Variants in DSCAM observed in about 807,000 individuals in gnomAD.
DSCAM encodes the protein DS cell adhesion molecule.
DSCAM carries 47 observed loss-of-function variants against 217.7 expected under a neutral mutation model. The ratio of observed to expected loss-of-function variants is 0.22; its 90% CI spans 0.17 to 0.28. DSCAM has a LOEUF of 0.28. Ranked by LOEUF, DSCAM falls within the 10% of genes least tolerant of loss-of-function variation. The probability of loss-of-function intolerance (pLI) is 1.00; values close to 1 mark genes in which losing one functional copy is unlikely to be tolerated. For missense variants in DSCAM, 2,080 were observed against 2,618.3 expected, an observed-to-expected ratio of 0.79 and a Z score of 4.49; for synonymous variants, 1,056 against 1,015.3, an observed-to-expected ratio of 1.04 and a Z score of -0.76.
chr21:40,474,697 G>A (rs145260183), intron 3 of DSCAM, among the ~76,000 whole-genome samples: 5 of 152,212 alleles, frequency 3.3e-5, no homozygotes, highest in African/African-American at 1.2e-4. Context: ...CATTAATCAG[G>A]GGCATCACAG....
At chr21:40,458,973 G>A (rs982657722) in intron 3 of DSCAM, among the ~76,000 whole-genome samples, 5 of 151,926 alleles carry the variant, frequency 3.3e-5, no homozygotes, top group Admixed American at 2.0e-4. Context: ...AATGTTAAAA[G>A]CAATGCTCAG....
chr21:40,547,435 A>G lies in DSCAM; in HGVS notation c.508+145375T>C, dbSNP rs140822834. On this transcript the variant is annotated intron_variant, in intron 3 of 32. Transcript: ENST00000400454. ...CCAAACACAGTCGTCTCCTTTTCCA[A>G]GTCCTGGGATTCAGCTGTCAGGCCT... Among the ~76,000 whole-genome samples the G allele has an allele frequency of 8.7e-4, 132 of 152,288 alleles. No individual in the cohort carries two copies. In the East Asian group the frequency reaches 0.024, roughly 28 times the overall value.
intron 3 of DSCAM, among the ~76,000 whole-genome samples, chr21:40,506,882 A>G (rs534311376): frequency 6.6e-6 from 1 of 152,224 alleles, no homozygotes; most frequent in African/African-American, 2.4e-5. Flanking sequence ...AAGAGGAAAA[A>G]AATATTTTGC....
intron 2 of DSCAM, among the ~76,000 whole-genome samples, chr21:40,694,289 G>A (rs560961308): frequency 4.6e-5 from 7 of 152,288 alleles, no homozygotes; most frequent in Non-Finnish European, 7.3e-5. Flanking sequence ...TACCCACAGA[G>A]ATAACTTATT....
intron 3 of DSCAM, among the ~76,000 whole-genome samples, chr21:40,596,432 T>C (rs2077022112): frequency 6.6e-6 from 1 of 152,210 alleles, no homozygotes; most frequent in African/African-American, 2.4e-5. Flanking sequence ...TCAATGGCCA[T>C]TTTTGTCAAA....
intron 4 of DSCAM, among the ~76,000 whole-genome samples, chr21:40,363,653 G>A (rs548456877): frequency 5.5e-4 from 83 of 152,158 alleles, no homozygotes; most frequent in African/African-American, 1.9e-3. Flanking sequence ...CAAAAGCAAT[G>A]CCAACAAAAG....
intron 32 of DSCAM, among the ~76,000 whole-genome samples, chr21:40,039,224 G>A (rs1035431795): frequency 1.3e-5 from 2 of 151,578 alleles, no homozygotes; most frequent in African/African-American, 4.9e-5. Context: ...GTCTAACAGG[G>A]GAAACGTGTC....
intron 1 of DSCAM, among the ~76,000 whole-genome samples, chr21:40,751,784 A>G (rs1290987409): frequency 2.0e-5 from 3 of 152,188 alleles, no homozygotes; most frequent in Non-Finnish European, 4.4e-5. Context: ...ATTCATGTTT[A>G]TATTTTGTGT....
intron 20 of DSCAM, 24 bp from the exon 21 acceptor site, chr21:40,093,898 C>G: frequency 6.3e-7 from 1 of 1,599,350 alleles, no homozygotes; most frequent in South Asian, 1.1e-5. Flanking sequence ...CATAAGTGTT[C>G]CCACATTCAA....
At chr21:40,636,313 A>G (rs1479770205) in intron 3 of DSCAM, among the ~76,000 whole-genome samples, 1 of 152,148 alleles carries the variant, frequency 6.6e-6, no homozygotes, top group Non-Finnish European at 1.5e-5. Context: ...GAAGATTTTA[A>G]AAATACATTT....
chr21:40,692,343 T>G (rs1441170477), intron 3 of DSCAM, among the ~76,000 whole-genome samples: 1 of 152,208 alleles, frequency 6.6e-6, no homozygotes, highest in Non-Finnish European at 1.5e-5. Flanking sequence ...ATATATATTC[T>G]TAGTAGAATC....
intron 3 of DSCAM, among the ~76,000 whole-genome samples, chr21:40,381,961 T>C (rs1050197029): frequency 1.3e-5 from 2 of 152,228 alleles, no homozygotes; most frequent in Admixed American, 6.5e-5. Context: ...TGTGTGTATT[T>C]ATGTGTATGC....
chr21:40,583,021 A>G (rs1041210601), intron 3 of DSCAM, among the ~76,000 whole-genome samples: 1 of 152,234 alleles, frequency 6.6e-6, no homozygotes, highest in African/African-American at 2.4e-5. Context: ...AATTTTAGGA[A>G]TCAGTAAAAA....
intron 16 of DSCAM, among the ~76,000 whole-genome samples, chr21:40,156,933 A>T (rs1465228927): frequency 6.6e-6 from 1 of 152,094 alleles, no homozygotes; most frequent in Non-Finnish European, 1.5e-5. Context: ...GTCTCAGATG[A>T]GACTCTCTCA....
At chr21:40,536,578 T>A (rs1382597637) in intron 3 of DSCAM, among the ~76,000 whole-genome samples, 1 of 152,038 alleles carries the variant, frequency 6.6e-6, no homozygotes, top group Non-Finnish European at 1.5e-5. Context: ...ATTTTTATTT[T>A]TTTATTTTTA....
rs938422448 is a variant in DSCAM at position 40,368,469 on chromosome 21, C to T, written c.655+630G>A. The stretch of plus-strand genomic sequence containing the variant: ...ATTCTGACTTGTATTTGTGCTGGAC[C>T]TTGAAAGACTATTGGCTATTTTGAA... On this transcript the variant is annotated intron_variant, in intron 4 of 32. Transcript: ENST00000400454. Among the ~76,000 whole-genome samples, 15 of 152,186 alleles carry T rather than the reference C, an allele frequency of 9.9e-5. 1 individual carries two copies. The highest frequency in any genetic ancestry group is 5.9e-4 in the Admixed American group (9 of 15,276).
intron 15 of DSCAM, among the ~76,000 whole-genome samples, chr21:40,170,217 G>A (rs983362217): frequency 3.3e-5 from 5 of 152,208 alleles, no homozygotes; most frequent in Non-Finnish European, 7.3e-5. Context: ...ATGCCTGTGA[G>A]CCTCCCGCTG....
Position 40,495,354 on chromosome 21 carries a change from G to C in DSCAM, c.509-126109C>G, listed in dbSNP as rs572686964. ...GCTATTCACCTTGATCAGTACGATTGGTCCCTAGAATGGAAGAATGGTTCA... is the reference window on the plus strand; with the variant it reads ...GCTATTCACCTTGATCAGTACGATTCGTCCCTAGAATGGAAGAATGGTTCA... On this transcript the variant is annotated intron_variant, in intron 3 of 32. Coordinates refer to ENST00000400454, the MANE Select transcript of DSCAM (RefSeq NM_001389.5). Among the ~76,000 whole-genome samples the C allele has an allele frequency of 3.3e-5, 5 of 152,178 alleles. No homozygotes were observed. The South Asian group carries it at 1.0e-3, about 32-fold the overall frequency.
Position 40,518,054 on chromosome 21 carries a change from C to A in DSCAM, c.509-148809G>T, listed in dbSNP as rs572506423. ...GTGCTTCATGCAGAGGGTGGGCACA[C>A]CTTGGGTCCAGGGACACAGGGGACC... On this transcript the variant is annotated intron_variant, in intron 3 of 32. Transcript: ENST00000400454. Among the ~76,000 whole-genome samples the A allele has an allele frequency of 2.6e-5, 4 of 151,912 alleles. No individual in the cohort carries two copies. In the South Asian group the frequency reaches 8.3e-4, roughly 32 times the overall value.
Sources: allele counts gnomAD v4.1 joint callset (sites outside exome capture counted in the v4.1 genomes callset), GRCh38; gene constraint gnomAD v4.1.1; transcripts MANE v1.5; gene names NCBI Gene and HGNC (gene_info 2026-07-23, HGNC 2026-07-21).